Variants in MYPN observed in about 807,000 individuals in gnomAD.
MYPN encodes myopalladin.
Under a neutral mutation model 129.4 loss-of-function variants are expected in MYPN, and 63 were observed. That is an observed-to-expected ratio of 0.49 (90% CI 0.40 to 0.60). The LOEUF (loss-of-function observed/expected upper bound fraction) is 0.60, where lower values mean the gene tolerates loss of function less well. MYPN is among the 20% of genes least tolerant of loss of function. The pLI is 0.00. For missense variants in MYPN, 1,596 were observed against 1,635.4 expected (o/e 0.98, Z 0.42); for synonymous variants, 629 against 600.9 (o/e 1.05, Z -0.68).
At chr10:68,147,927 A>G (rs958312687) in intron 4 of MYPN, among the ~76,000 whole-genome samples, 1 of 152,196 alleles carries the variant, frequency 6.6e-6, no homozygotes, top group Non-Finnish European at 1.5e-5. Flanking sequence ...TAAGTTTTAT[A>G]TATGAGAGAC....
chr10:68,194,448 T>C lies in MYPN; in HGVS notation c.3011T>C (p.Leu1004Pro). The C allele has an allele frequency of 6.2e-7, 1 of 1,613,966 alleles. No homozygotes were observed. Among genetic ancestry groups the C allele is most frequent in the Non-Finnish European group, 8.5e-7 (1 of 1,179,908 alleles). ...CGAGAAGGAGATGGGACATGCTCTC[T>C]GCACATTGAATCCACTACCAGTGAT... ...MRREGDGTCS[L>P]HIESTTSDDD... The change falls in exon 14 of 20, where the codon CTG becomes CCG. Residue 1004 changes from leucine to proline, a missense_variant. Leu to Pro is a moderately conservative substitution (Grantham distance 98). Coordinates refer to ENST00000358913, the MANE Select transcript of MYPN (RefSeq NM_032578.4).
chr10:68,154,129 T>C (rs1258165113), intron 6 of MYPN, among the ~76,000 whole-genome samples: 1 of 152,238 alleles, frequency 6.6e-6, no homozygotes, highest in African/African-American at 2.4e-5. Flanking sequence ...CCTATGTTTT[T>C]AGATGCTCTT....
intron 19 of MYPN, among the ~76,000 whole-genome samples, chr10:68,209,869 A>G (rs1666946174): frequency 6.6e-6 from 1 of 151,352 alleles, no homozygotes; most frequent in Non-Finnish European, 1.5e-5. Context: ...TAATTTTTGT[A>G]TTTAGTAGAA....
rs186551603 is a variant in MYPN, at chr10:68,185,326, C to G, written c.2704-3579C>G. ...TTAGTCTTTGTTTCTGAAAAATGAA[C>G]AGAAAACTCTGAAAAGCACAGATTA... On this transcript the variant is annotated intron_variant, in intron 12 of 19. Coordinates refer to ENST00000358913, the MANE Select transcript of MYPN (RefSeq NM_032578.4). Among the ~76,000 whole-genome samples, 4 of 152,222 alleles carry G rather than the reference C, an allele frequency of 2.6e-5. No homozygotes were observed. The East Asian group carries it at 7.7e-4, about 29-fold the overall frequency.
At chr10:68,090,047 A>T (rs1460007438) in intron 1 of MYPN, among the ~76,000 whole-genome samples, 1 of 152,202 alleles carries the variant, frequency 6.6e-6, no homozygotes, top group African/African-American at 2.4e-5. Flanking sequence ...ATTAGTAAAT[A>T]GGCATATTTT....
chr10:68,167,432 G>A (rs750032195), intron 10 of MYPN, among the ~76,000 whole-genome samples: 3 of 152,188 alleles, frequency 2.0e-5, no homozygotes, highest in Non-Finnish European at 4.4e-5. Flanking sequence ...AAGTGGTCAT[G>A]ATTTTCTGAC....
At chr10:68,182,352 A>G (rs1469235278) in intron 12 of MYPN, among the ~76,000 whole-genome samples, 1 of 100,788 alleles carries the variant, frequency 9.9e-6, no homozygotes, top group Admixed American at 1.3e-4. Context: ...TATATAACAT[A>G]TATATAACAC....
chr10:68,161,547 C>T (rs1449159536), intron 7 of MYPN, among the ~76,000 whole-genome samples, 182 bp from the exon 8 acceptor site: 2 of 151,454 alleles, frequency 1.3e-5, no homozygotes, highest in African/African-American at 2.4e-5. Flanking sequence ...TGCTCTTTTG[C>T]TGCCTTTCTG....
intron 12 of MYPN, among the ~76,000 whole-genome samples, chr10:68,177,666 A>C (rs2043249128): frequency 6.6e-6 from 1 of 152,216 alleles, no homozygotes; most frequent in Non-Finnish European, 1.5e-5. Flanking sequence ...GAAAGTGTAA[A>C]AACACTAGAC....
At chr10:68,157,339 G>A (rs1295704356) in intron 6 of MYPN, among the ~76,000 whole-genome samples, 1 of 152,022 alleles carries the variant, frequency 6.6e-6, no homozygotes, top group African/African-American at 2.4e-5. Flanking sequence ...CAATTTCCAG[G>A]ACTGCAGAAT....
intron 12 of MYPN, among the ~76,000 whole-genome samples, chr10:68,187,005 A>G (rs1449069382): frequency 6.6e-6 from 1 of 152,082 alleles, no homozygotes; most frequent in African/African-American, 2.4e-5. Context: ...GTGCTGTCAA[A>G]GTGTGGTCCG....
chr10:68,183,461 C>CA lies in MYPN; in HGVS notation c.2704-5433dup, dbSNP rs949984169. ...TGGGCAGTAGAGCCAGACCTTGTCT[C>CA]AAAAAAAAAAATTATTTGGAAAAAA... On this transcript the variant is annotated intron_variant, in intron 12 of 19. Transcript: ENST00000358913. 1.3e-3 allele frequency among the ~76,000 whole-genome samples: 188 copies of CA among 144,704 alleles called. 1 individual carries two copies. Among genetic ancestry groups the CA allele is most frequent in the African/African-American group, 2.9e-3 (115 of 39,406 alleles). 94.9% of individuals were successfully genotyped at this position (144,704 alleles called of 152,430 possible). A position where few individuals can be genotyped will look rare whatever the true frequency, so the allele number is the denominator to read the frequency against.
chr10:68,102,613 G>A (rs73265247), upstream of MYPN, among the ~76,000 whole-genome samples: 11,928 of 152,076 alleles, frequency 0.078, 1,235 homozygotes, highest in African/African-American at 0.24. Flanking sequence ...TTAAAAATAT[G>A]GCTCTATTGT....
At chr10:68,088,689 G>A (rs2041917711) in intron 1 of MYPN, among the ~76,000 whole-genome samples, 1 of 152,000 alleles carries the variant, frequency 6.6e-6, no homozygotes, top group Non-Finnish European at 1.5e-5. Context: ...TTTCTCACAG[G>A]GTTAATCTGA....
chr10:68,199,663 C>T (rs1434937876), intron 17 of MYPN, 88 bp downstream of exon 17: 10 of 1,297,298 alleles, frequency 7.7e-6, no homozygotes, highest in East Asian at 4.7e-5. Flanking sequence ...TTCCTTCATC[C>T]TTTGCCCTAC....
intron 17 of MYPN, among the ~76,000 whole-genome samples, chr10:68,200,673 G>A (rs7084764): frequency 0.42 from 63,778 of 151,604 alleles, 14,088 homozygotes; most frequent in Non-Finnish European, 0.49. Flanking sequence ...CAGGAGAATC[G>A]CTTGAACCCG....
rs185841477 is a variant in MYPN at position 68,122,100 on chromosome 10, A to T, written c.662A>T (p.Asp221Val). 1.2e-4 allele frequency: 195 copies of T among 1,614,238 alleles called. 1 individual carries two copies. Among genetic ancestry groups the T allele is most frequent in the South Asian group, 3.5e-4 (32 of 91,078 alleles). ...VPIPIPADTR[D>V]NEVNHALEQQ... ...ATCCCTATCCCTGCGGATACCAGGG[A>T]TAATGAAGTGAATCACGCCCTGGAA... The change falls in exon 2 of 20, where the codon GAT becomes GTT. Residue 221 changes from aspartate to valine, a missense_variant. Physicochemically the swap from Asp to Val is radical, Grantham distance 152. Coordinates refer to ENST00000358913, the MANE Select transcript of MYPN (RefSeq NM_032578.4).
intron 6 of MYPN, among the ~76,000 whole-genome samples, chr10:68,152,127 T>C (rs1294393755): frequency 2.0e-5 from 3 of 152,126 alleles, no homozygotes; most frequent in Non-Finnish European, 4.4e-5. Context: ...AAAGAGTTAT[T>C]AACAATAGAA....
intron 2 of MYPN, among the ~76,000 whole-genome samples, chr10:68,130,943 G>A (rs927081037): frequency 3.9e-5 from 6 of 152,210 alleles, no homozygotes; most frequent in Non-Finnish European, 4.4e-5. Context: ...TTCCATAAAC[G>A]TATGGGCTTT....
Sources: gnomAD v4.1 joint callset for allele counts (sites outside exome capture counted in the v4.1 genomes callset) on GRCh38, gnomAD v4.1.1 for gene constraint, MANE v1.5 for transcripts, NCBI Gene and HGNC (gene_info 2026-07-23, HGNC 2026-07-21) for gene names.